Variants in PFKP observed in about 807,000 individuals in gnomAD.
PFKP encodes ATP-dependent 6-phosphofructokinase, platelet type.
In PFKP, 101 loss-of-function variants were observed where a neutral mutation model predicts 94.3. That is an observed-to-expected ratio of 1.07 (90% CI 0.91 to 1.26). The LOEUF (loss-of-function observed/expected upper bound fraction) is 1.26, where lower values mean the gene tolerates loss of function less well. Ranked by LOEUF, PFKP falls within the 50% of genes most tolerant of loss-of-function variation. The probability of loss-of-function intolerance (pLI) is 0.00; values close to 1 mark genes in which losing one functional copy is unlikely to be tolerated. For missense variants in PFKP, 1,145 were observed against 1,103.3 expected, an observed-to-expected ratio of 1.04 and a Z score of -0.53; for synonymous variants, 573 against 432.6, an observed-to-expected ratio of 1.32 and a Z score of -4.03.
rs913800251 is a variant in PFKP, at chr10:3,073,679, C to T, written c.112+5972C>T. ...ATTAATATAGGACCCCTTGTCTAAA[C>T]GTACATATGTAAATGATCTGATCCG... is the stretch of plus-strand genomic sequence containing the variant. On this transcript the variant is annotated intron_variant, in intron 1 of 21. Transcript: ENST00000381125. 6.0e-5 allele frequency among the ~76,000 whole-genome samples: 9 copies of T among 149,638 alleles called. 1 individual carries two copies. The South Asian group carries it at 8.9e-4, about 15-fold the overall frequency.
At position 3,113,505 on chromosome 10, in the gene PFKP, T is replaced by A. The variant is rs1025598425; in HGVS notation, c.1358T>A (p.Phe453Tyr). 2 of 1,612,958 alleles carry A rather than the reference T, an allele frequency of 1.2e-6. No individual in the cohort carries two copies. Among genetic ancestry groups the A allele is most frequent in the Non-Finnish European group, 8.5e-7 (1 of 1,179,954 alleles). The change falls in exon 13 of 22, where the codon TTC (phenylalanine) becomes TAC (tyrosine). Residue 453 changes from phenylalanine (F) to tyrosine (Y), a missense_variant. Phe to Tyr is a conservative substitution (Grantham distance 22). Coordinates refer to ENST00000381125, the MANE Select transcript of PFKP (RefSeq NM_002627.5). ...MLAIYDGFDG[F>Y]AKGQIKEIGW... Reference sequence around the variant, plus strand: ...GCCATCTATGATGGCTTTGACGGCTTCGCCAAGGGCCAGGTGAGTCACCCA... The same window carrying A: ...GCCATCTATGATGGCTTTGACGGCTACGCCAAGGGCCAGGTGAGTCACCCA...
At chr10:3,110,689 TGTGTGC>T (rs1296061234) in intron 10 of PFKP, among the ~76,000 whole-genome samples, 2 of 151,986 alleles carry the variant, frequency 1.3e-5, no homozygotes, top group African/African-American at 4.8e-5. Flanking sequence ...TGTGTGTGAG[TGTGTGC>T]GCAGGCTTGT....
chr10:3,090,339 C>CT (rs1484439330), intron 2 of PFKP, among the ~76,000 whole-genome samples: 1 of 152,206 alleles, frequency 6.6e-6, no homozygotes, highest in East Asian at 1.9e-4. Flanking sequence ...TTTCTGTGTG[C>CT]TCATCTGTGC....
chr10:3,130,936 T>C (rs1241818089), intron 17 of PFKP, among the ~76,000 whole-genome samples: 1 of 152,220 alleles, frequency 6.6e-6, no homozygotes, highest in East Asian at 1.9e-4. Flanking sequence ...GCACTAATTA[T>C]GTGACATGTG....
rs777952218 is a variant in PFKP, at chr10:3,109,401, C to T, written c.1010C>T (p.Thr337Ile). Residue 337 changes from threonine to isoleucine, a missense_variant, in exon 10 of 22, where the codon ACC (threonine) becomes ATC (isoleucine). By Grantham distance (89) the Thr-to-Ile change is moderately conservative. Around this residue, in one of 3 missense-constraint regions of PFKP, gnomAD observed 1,119 missense variants for 1,062.8 expected, o/e 1.05. Transcript: ENST00000381125. Reference protein sequence around the residue: ...VEAVIALLEATPDTPACVVSL... With the variant: ...VEAVIALLEAIPDTPACVVSL... Reference sequence around the variant, plus strand: ...GCAGTCATCGCCTTGCTAGAGGCCACCCCGGACACCCCAGCTTGCGTCGTG... The same window carrying T: ...GCAGTCATCGCCTTGCTAGAGGCCATCCCGGACACCCCAGCTTGCGTCGTG... The T allele has an allele frequency of 6.2e-7, 1 of 1,610,504 alleles. No individual in the cohort carries two copies. Among genetic ancestry groups the T allele is most frequent in the South Asian group, 1.1e-5 (1 of 91,086 alleles).
At chr10:3,087,786 C>T (rs1035222959) in intron 2 of PFKP, among the ~76,000 whole-genome samples, 8 of 152,216 alleles carry the variant, frequency 5.3e-5, no homozygotes, top group South Asian at 2.1e-4. Context: ...TGAACGGGTC[C>T]ATTTCTTCAC....
chr10:3,077,764 A>C (rs1832734791), intron 1 of PFKP, among the ~76,000 whole-genome samples: 1 of 152,144 alleles, frequency 6.6e-6, no homozygotes, highest in Non-Finnish European at 1.5e-5. Context: ...TGACTCTCTT[A>C]CCTGCATTGT....
Position 3,068,731 on chromosome 10 carries a change from A to G in PFKP, c.112+1024A>G. 4 of 983,124 alleles carry G rather than the reference A, an allele frequency of 4.1e-6. No individual in the cohort carries two copies. The South Asian group carries it at 1.4e-4, about 35-fold the overall frequency. 60.9% of individuals were successfully genotyped at this position (983,124 alleles called of 1,614,324 possible). On this transcript the variant is annotated intron_variant, in intron 1 of 21. Coordinates refer to ENST00000381125, the MANE Select transcript of PFKP (RefSeq NM_002627.5). ...GATGATGGAGTGTCCCGATCCGTGCAATCCCTGGCGGGTAGATCGGCGCTT... is the reference window on the plus strand; with the variant it reads ...GATGATGGAGTGTCCCGATCCGTGCGATCCCTGGCGGGTAGATCGGCGCTT...
intron 17 of PFKP, among the ~76,000 whole-genome samples, chr10:3,131,523 C>A (rs976163263): frequency 8.5e-5 from 13 of 152,168 alleles, no homozygotes; most frequent in Non-Finnish European, 1.8e-4. Flanking sequence ...GTGGCACAAT[C>A]TCGGCTCACT....
chr10:3,134,222 T>C (rs568483686), intron 19 of PFKP, among the ~76,000 whole-genome samples: 1 of 152,346 alleles, frequency 6.6e-6, no homozygotes, highest in South Asian at 2.1e-4. Context: ...GAAATCCTGA[T>C]TTAAGATTTT....
intron 1 of PFKP, among the ~76,000 whole-genome samples, chr10:3,078,286 T>G (rs1158170856): frequency 6.6e-6 from 1 of 152,028 alleles, no homozygotes; most frequent in African/African-American, 2.4e-5. Flanking sequence ...TGTGCACGTC[T>G]TCGTCCCTGT....
intron 8 of PFKP, among the ~76,000 whole-genome samples, chr10:3,107,554 A>AG (rs1448515782): frequency 1.3e-5 from 2 of 152,236 alleles, no homozygotes; most frequent in East Asian, 1.9e-4. Flanking sequence ...CCCAGCAGAC[A>AG]GAGGGGGTCA....
chr10:3,100,333 C>T (rs146548516), intron 3 of PFKP, among the ~76,000 whole-genome samples: 121 of 152,214 alleles, frequency 7.9e-4, no homozygotes, highest in African/African-American at 2.7e-3. Flanking sequence ...TAAATGGTCT[C>T]GGTCACACTT....
intron 2 of PFKP, among the ~76,000 whole-genome samples, chr10:3,092,831 C>A (rs565643400): frequency 1.3e-5 from 2 of 152,274 alleles, no homozygotes; most frequent in African/African-American, 2.4e-5. Flanking sequence ...AAAATAAACA[C>A]CTTTTCCCCA....
At chr10:3,094,600 A>G (rs1315255475) in intron 2 of PFKP, among the ~76,000 whole-genome samples, 5 of 152,266 alleles carry the variant, frequency 3.3e-5, no homozygotes, top group Middle Eastern at 3.4e-3. Context: ...GTTTAATCTC[A>G]GGCTCTGCCT....
chr10:3,121,807 T>TCTTTC (rs1564339162), intron 16 of PFKP, among the ~76,000 whole-genome samples: 5 of 29,668 alleles, frequency 1.7e-4, no homozygotes, highest in Admixed American at 7.0e-4. Flanking sequence ...TTTTTTCTTT[T>TCTTTC]TTTTTTTTTT....
rs1837370682 is a variant in PFKP at position 3,121,273 on chromosome 10, G to T, written c.1683+1229G>T. On this transcript the variant is annotated intron_variant, in intron 16 of 21. Coordinates refer to ENST00000381125, the MANE Select transcript of PFKP (RefSeq NM_002627.5). ...AGACGTTGCTTCTGTTCTCCTGGTG[G>T]TGGGTGTCACGGCTTTGCTGCTGCG... Among the ~76,000 whole-genome samples the T allele has an allele frequency of 2.0e-5, 3 of 152,212 alleles. No homozygotes were observed. The South Asian group carries it at 6.2e-4, about 31-fold the overall frequency.
At chr10:3,075,798 G>A (rs1832530193) in intron 1 of PFKP, among the ~76,000 whole-genome samples, 1 of 150,490 alleles carries the variant, frequency 6.6e-6, no homozygotes, top group Non-Finnish European at 1.5e-5. Context: ...CCAGCCCCGT[G>A]GGAGATTGAG....
chr10:3,136,763 ATATGAGCAGAAT>A lies in PFKP; in HGVS notation c.*187_*198del. Reference sequence around the variant, plus strand: ...GTGTGTCTCATGCTTTCAGATGTGCATATGAGCAGAATTAATTAAACATTTGCCTATGACTCC... The same window carrying A: ...GTGTGTCTCATGCTTTCAGATGTGCATAATTAAACATTTGCCTATGACTCC... On this transcript the variant is annotated 3_prime_UTR_variant, in exon 22 of 22. Coordinates refer to ENST00000381125, the MANE Select transcript of PFKP (RefSeq NM_002627.5). 1 of 542,918 alleles carries A rather than the reference ATATGAGCAGAAT, an allele frequency of 1.8e-6. No homozygotes were observed. Among genetic ancestry groups the A allele is most frequent in the Non-Finnish European group, 3.2e-6 (1 of 311,708 alleles). The allele number at this position is 542,918 out of a possible 1,614,324, so 33.6% of individuals were successfully genotyped here.
Sources: gnomAD v4.1 joint callset for allele counts (sites outside exome capture counted in the v4.1 genomes callset) on GRCh38, gnomAD v4.1.1 for gene constraint, gnomAD v4.1.1 regional missense constraint, MANE v1.5 for transcripts, NCBI Gene and HGNC (gene_info 2026-07-23, HGNC 2026-07-21) for gene names.